The following RIT2 variants were observed in gnomAD, a reference collection of about 807,000 sequenced individuals.
RIT2 encodes the protein GTP-binding protein Rit2.
RIT2 carries 24 observed loss-of-function variants against 23.7 expected under a neutral mutation model. The ratio of observed to expected loss-of-function variants is 1.01; its 90% CI spans 0.73 to 1.43. RIT2 has a LOEUF of 1.43. Ranked by LOEUF, RIT2 falls within the 40% of genes most tolerant of loss-of-function variation. The pLI, the probability that RIT2 is intolerant of heterozygous loss-of-function variation, is 0.00. For synonymous variants in RIT2, 107 were observed against 91.1 expected (o/e 1.17, Z -0.99); for missense variants, 236 against 266.9 (o/e 0.88, Z 0.81).
chr18:42,747,441 G>T (rs1356150501), intron 4 of RIT2, among the ~76,000 whole-genome samples: 1 of 151,968 alleles, frequency 6.6e-6, no homozygotes, highest in Non-Finnish European at 1.5e-5. Flanking sequence ...CTCGTGGATG[G>T]GTAGAATCAA....
At chr18:42,907,608 CA>C (rs1376337461) in intron 4 of RIT2, among the ~76,000 whole-genome samples, 1 of 151,952 alleles carries the variant, frequency 6.6e-6, no homozygotes, top group Non-Finnish European at 1.5e-5. Context: ...TACCAAAAAC[CA>C]GAAAAAATCA....
chr18:42,907,309 C>T (rs1432157360), intron 4 of RIT2, among the ~76,000 whole-genome samples: 5 of 151,880 alleles, frequency 3.3e-5, no homozygotes, highest in East Asian at 3.9e-4. Context: ...CATAATATGG[C>T]GATTGTTTAA....
At chr18:43,097,294 T>C (rs1913576627) in intron 1 of RIT2, among the ~76,000 whole-genome samples, 1 of 151,874 alleles carries the variant, frequency 6.6e-6, no homozygotes, top group African/African-American at 2.4e-5. Flanking sequence ...GCATAGAGTA[T>C]AGAGCATATA....
At chr18:42,901,179 A>T (rs1908466687) in intron 4 of RIT2, among the ~76,000 whole-genome samples, 1 of 152,068 alleles carries the variant, frequency 6.6e-6, no homozygotes, top group Non-Finnish European at 1.5e-5. Flanking sequence ...ATTGTATTAG[A>T]TATTGATGCT....
At chr18:43,076,529 G>GAA (rs56258843) in intron 1 of RIT2, among the ~76,000 whole-genome samples, 6 of 149,748 alleles carry the variant, frequency 4.0e-5, no homozygotes, top group African/African-American at 1.5e-4. Context: ...GGGGTGACCA[G>GAA]AAAAAAAAAG....
At chr18:42,794,506 TCTC>T (rs1347547299) in intron 4 of RIT2, among the ~76,000 whole-genome samples, 1 of 152,152 alleles carries the variant, frequency 6.6e-6, no homozygotes, top group African/African-American at 2.4e-5. Flanking sequence ...CTTCCAAAAT[TCTC>T]CTAACAGTTC....
At chr18:42,952,543 TC>T in intron 3 of RIT2, among the ~76,000 whole-genome samples, 1 of 152,164 alleles carries the variant, frequency 6.6e-6, no homozygotes, top group East Asian at 1.9e-4. Flanking sequence ...AGTGTTTTTA[TC>T]TGCCCCAAAA....
At chr18:42,942,988 C>T (rs1032843392) in intron 3 of RIT2, among the ~76,000 whole-genome samples, 8 of 151,970 alleles carry the variant, frequency 5.3e-5, no homozygotes, top group South Asian at 2.1e-4. Flanking sequence ...AGAATGGAGC[C>T]GCAGACCTTC....
intron 4 of RIT2, among the ~76,000 whole-genome samples, chr18:42,835,293 T>C (rs545324976): frequency 1.4e-4 from 21 of 152,082 alleles, no homozygotes; most frequent in African/African-American, 5.1e-4. Context: ...TAATTTGTTC[T>C]ACTACAGTAA....
chr18:42,799,657 C>T (rs1905469726), intron 4 of RIT2, among the ~76,000 whole-genome samples: 1 of 152,200 alleles, frequency 6.6e-6, no homozygotes, highest in Non-Finnish European at 1.5e-5. Context: ...TCTCACAGAG[C>T]TGAGCATGAT....
At chr18:42,763,304 T>C (rs1319094566) in intron 4 of RIT2, among the ~76,000 whole-genome samples, 1 of 151,828 alleles carries the variant, frequency 6.6e-6, no homozygotes, top group Non-Finnish European at 1.5e-5. Context: ...CTATTAAAAA[T>C]ACAAAAAATT....
At chr18:42,946,673 C>G (rs1012560538) in intron 3 of RIT2, among the ~76,000 whole-genome samples, 11 of 151,776 alleles carry the variant, frequency 7.2e-5, no homozygotes, top group Non-Finnish European at 1.5e-4. Context: ...TATGAAAGAC[C>G]TAGAAACTAG....
chr18:42,757,023 C>T (rs1403532843), intron 4 of RIT2, among the ~76,000 whole-genome samples: 1 of 152,106 alleles, frequency 6.6e-6, no homozygotes, highest in Non-Finnish European at 1.5e-5. Context: ...ATTATATTGT[C>T]AGCAACACCT....
intron 2 of RIT2, among the ~76,000 whole-genome samples, chr18:42,981,379 G>A (rs1910594532): frequency 6.6e-6 from 1 of 152,096 alleles, no homozygotes; most frequent in African/African-American, 2.4e-5. Context: ...AAGTCTCAGT[G>A]TCCTAATGAC....
chr18:42,943,009 T>C (rs1278312242), intron 3 of RIT2, among the ~76,000 whole-genome samples: 1 of 152,020 alleles, frequency 6.6e-6, no homozygotes, highest in Non-Finnish European at 1.5e-5. Flanking sequence ...ATGGTGAGTG[T>C]TACACCTCTT....
chr18:42,836,204 C>CT (rs942670484), intron 4 of RIT2, among the ~76,000 whole-genome samples: 5 of 151,918 alleles, frequency 3.3e-5, no homozygotes, highest in East Asian at 1.9e-4. Flanking sequence ...ACTTGACTTT[C>CT]TTTTTTTTCT....
At chr18:42,885,326 C>G (rs1480972791) in intron 4 of RIT2, among the ~76,000 whole-genome samples, 1 of 152,206 alleles carries the variant, frequency 6.6e-6, no homozygotes, top group African/African-American at 2.4e-5. Flanking sequence ...TGGCTCACGC[C>G]CCTAATCCCA....
chr18:43,096,990 C>A (rs1334952718), intron 1 of RIT2, among the ~76,000 whole-genome samples: 1 of 151,670 alleles, frequency 6.6e-6, no homozygotes, highest in Non-Finnish European at 1.5e-5. Flanking sequence ...TTGATCCTAT[C>A]CAAAGGGTGT....
intron 2 of RIT2, among the ~76,000 whole-genome samples, chr18:43,007,629 G>A (rs1446626188): frequency 6.6e-6 from 1 of 151,636 alleles, no homozygotes; most frequent in Non-Finnish European, 1.5e-5. Context: ...GAGTCAACTT[G>A]AAAAATTGCT....
Sources: allele counts gnomAD v4.1 joint callset (sites outside exome capture counted in the v4.1 genomes callset), GRCh38; gene constraint gnomAD v4.1.1; transcripts MANE v1.5; gene names NCBI Gene and HGNC (gene_info 2026-07-23, HGNC 2026-07-21).